Variants in ETS1 observed in about 807,000 individuals in gnomAD.
ETS1 encodes ETS proto-oncogene 1, transcription factor.
ETS1 carries 15 observed loss-of-function variants against 58.6 expected under a neutral mutation model. The observed-to-expected ratio is 0.26, with a 90% CI of 0.17 to 0.39. The LOEUF (loss-of-function observed/expected upper bound fraction) is 0.39. Among genes scored for constraint, ETS1 ranks in the 10% least tolerant of loss-of-function variants. The pLI, the probability that ETS1 is intolerant of heterozygous loss-of-function variation, is 1.00. For synonymous variants in ETS1, 214 were observed against 218.2 expected, an observed-to-expected ratio of 0.98 and a Z score of 0.17; for missense variants, 417 against 610.5, an observed-to-expected ratio of 0.68 and a Z score of 3.34.
intron 7 of ETS1, among the ~76,000 whole-genome samples, chr11:128,480,984 C>T (rs1446770224): frequency 1.3e-5 from 2 of 152,152 alleles, no homozygotes; most frequent in African/African-American, 2.4e-5. Context: ...CCTGTTTTGA[C>T]CTTGGAACTA....
intron 3 of ETS1, among the ~76,000 whole-genome samples, chr11:128,531,115 A>C (rs950916954): frequency 6.6e-6 from 1 of 152,244 alleles, no homozygotes; most frequent in Non-Finnish European, 1.5e-5. Context: ...GAATAAATTT[A>C]AACTCTAAAA....
At chr11:128,542,347 G>T (rs1864069014) in intron 3 of ETS1, among the ~76,000 whole-genome samples, 1 of 152,156 alleles carries the variant, frequency 6.6e-6, no homozygotes, top group African/African-American at 2.4e-5. Flanking sequence ...GGGGAAGAGG[G>T]AGGAGGAAGA....
intron 6 of ETS1, 145 bp from the exon 7 acceptor site, chr11:128,485,216 T>A (rs1862595881): frequency 2.9e-6 from 2 of 692,998 alleles, no homozygotes; most frequent in East Asian, 5.6e-5. Context: ...CTTGCATTTT[T>A]AACCTTGTCC....
chr11:128,481,319 C>T (rs1565372917), intron 7 of ETS1, among the ~76,000 whole-genome samples: 1 of 151,648 alleles, frequency 6.6e-6, no homozygotes, highest in South Asian at 2.1e-4. Context: ...CAAGATCATG[C>T]AAGTTCATTA....
At chr11:128,582,807 T>C (rs1032470728) in intron 1 of ETS1, among the ~76,000 whole-genome samples, 1 of 152,084 alleles carries the variant, frequency 6.6e-6, no homozygotes, top group African/African-American at 2.4e-5. Flanking sequence ...GCACAAATGG[T>C]GAAATATTGC....
chr11:128,518,326 T>G (rs995631521), intron 3 of ETS1, among the ~76,000 whole-genome samples: 12 of 152,330 alleles, frequency 7.9e-5, no homozygotes, highest in Middle Eastern at 6.8e-3. Flanking sequence ...CCACCTTATC[T>G]TCTAACAAAC....
chr11:128,494,175 G>A (rs10790960), intron 3 of ETS1, among the ~76,000 whole-genome samples: 98,562 of 152,090 alleles, frequency 0.65, 32,498 homozygotes, highest in Middle Eastern at 0.83. Flanking sequence ...TTCAAATAAC[G>A]TATTTGTTTC....
chr11:128,541,813 G>A (rs965656940), intron 3 of ETS1, among the ~76,000 whole-genome samples: 2 of 152,080 alleles, frequency 1.3e-5, no homozygotes, highest in Non-Finnish European at 2.9e-5. Context: ...TAGTCTCAGA[G>A]GAAAGACAAA....
chr11:128,539,243 A>G (rs1447457611), intron 3 of ETS1, among the ~76,000 whole-genome samples: 1 of 152,220 alleles, frequency 6.6e-6, no homozygotes, highest in East Asian at 1.9e-4. Context: ...CAAATTCTAA[A>G]CATCCAGAAA....
Position 128,462,618 on chromosome 11 carries a change from T to C in ETS1, c.1243-42A>G, listed in dbSNP as rs1358303538. ...AAAATAAAGGAGGAGTAGGCAAAAA[T>C]CTACAAGACAGGCCAAATATATATG... On this transcript the variant is annotated intron_variant, in intron 9 of 9. Coordinates refer to ENST00000392668, the MANE Select transcript of ETS1 (RefSeq NM_001143820.2). 7 of 1,522,754 alleles carry C rather than the reference T, an allele frequency of 4.6e-6. No individual in the cohort carries two copies. The South Asian group carries it at 7.9e-5, about 17-fold the overall frequency. 94.3% of individuals were successfully genotyped at this position (1,522,754 alleles called of 1,614,324 possible).
chr11:128,460,052 G>T lies in ETS1; in HGVS notation c.*2309C>A, dbSNP rs1447551693. ...AGAAATCTAAGGTATTATTTCAGCT[G>T]CAGTTTTGCATGTCTGCAAACACAC... On this transcript the variant is annotated 3_prime_UTR_variant, in exon 10 of 10. Transcript: ENST00000392668. 6.6e-6 allele frequency: 1 copy of T among 151,100 alleles called. No individual in the cohort carries two copies. Among genetic ancestry groups the T allele is most frequent in the Admixed American group, 6.7e-5 (1 of 14,992 alleles). 9.4% of individuals were successfully genotyped at this position (151,100 alleles called of 1,614,324 possible).
chr11:128,515,264 A>T (rs566228014), intron 3 of ETS1, among the ~76,000 whole-genome samples: 69 of 151,450 alleles, frequency 4.6e-4, no homozygotes, highest in African/African-American at 1.5e-3. Flanking sequence ...ACACACACAC[A>T]CACACACACG....
intron 3 of ETS1, chr11:128,522,207 C>A (rs897889682): frequency 2.4e-6 from 3 of 1,234,538 alleles, no homozygotes; most frequent in African/African-American, 1.6e-5. Context: ...GCGAAGTGAG[C>A]GCGCTCGGGT....
intron 3 of ETS1, among the ~76,000 whole-genome samples, chr11:128,524,244 G>C (rs1459085400): frequency 6.6e-6 from 1 of 152,180 alleles, no homozygotes; most frequent in Non-Finnish European, 1.5e-5. Context: ...CTAGCAATGA[G>C]GAAAATTATT....
intron 3 of ETS1, among the ~76,000 whole-genome samples, chr11:128,493,446 T>C (rs2135466601): frequency 6.6e-6 from 1 of 152,200 alleles, no homozygotes; most frequent in South Asian, 2.1e-4. Context: ...CTCAATGCCA[T>C]CTCCACAAGC....
At chr11:128,526,670 C>G (rs964444015) in intron 3 of ETS1, 5 of 319,546 alleles carry the variant, frequency 1.6e-5, no homozygotes, top group Non-Finnish European at 3.0e-5. Flanking sequence ...ACCTGCCCAG[C>G]ATCAGCCTCA....
At chr11:128,585,348 C>CAAGGAAGGAAGGAAGGAAGGAAGG (rs973321049) in intron 1 of ETS1, among the ~76,000 whole-genome samples, 8 of 113,106 alleles carry the variant, frequency 7.1e-5, no homozygotes, top group African/African-American at 2.4e-4. Context: ...AGGAAGGAAG[C>CAAGGAAGGAAGGAAGGAAGGAAGG]AAGGAAGGAA....
At chr11:128,525,270 T>G (rs1863779100) in intron 3 of ETS1, among the ~76,000 whole-genome samples, 1 of 151,918 alleles carries the variant, frequency 6.6e-6, no homozygotes. Flanking sequence ...ATTAAGAAAA[T>G]AGTCACCTTC....
In ETS1 at chr11:128,572,947, C is replaced by G. The variant is rs1223640074; in HGVS notation, c.69+115G>C. 8.3e-6 allele frequency: 6 copies of G among 724,302 alleles called. No homozygotes were observed. The South Asian group carries it at 8.3e-5, about 10-fold the overall frequency. 44.9% of individuals were successfully genotyped at this position (724,302 alleles called of 1,614,324 possible). On this transcript the variant is annotated intron_variant, in intron 2 of 9. Transcript: ENST00000392668. ...CCAAAAGATTCAAAGCTGATTCGAACCTTGGAGTTCAGGTTCCTGGCTTCT... is the reference window on the plus strand; with the variant it reads ...CCAAAAGATTCAAAGCTGATTCGAAGCTTGGAGTTCAGGTTCCTGGCTTCT...
Sources: allele counts gnomAD v4.1 joint callset (sites outside exome capture counted in the v4.1 genomes callset), GRCh38; gene constraint gnomAD v4.1.1; transcripts MANE v1.5; gene names NCBI Gene and HGNC (gene_info 2026-07-23, HGNC 2026-07-21).